The following FANCB variants were observed in gnomAD, a reference collection of about 807,000 sequenced individuals.
The protein encoded by FANCB is FA complementation group B.
Under a neutral mutation model 38.9 loss-of-function variants are expected in FANCB, and 5 were observed. The observed-to-expected ratio is 0.13, with a 90% confidence interval of 0.07 to 0.27. The LOEUF (loss-of-function observed/expected upper bound fraction) is 0.27, where lower values mean the gene tolerates loss of function less well. Ranked by LOEUF, FANCB falls within the 10% of genes least tolerant of loss-of-function variation. The pLI is 1.00. For synonymous variants in FANCB, 236 were observed against 215.4 expected (o/e 1.10, Z -0.84); for missense variants, 573 against 602.7 (o/e 0.95, Z 0.52).
In FANCB at chrX:14,843,624, T is replaced by G. The variant is rs1439262159; in HGVS notation, c.2523A>C (p.Lys841Asn). 8.3e-7 allele frequency: 1 copy of G among 1,208,392 alleles called. No individual in the cohort carries two copies. The highest frequency in any genetic ancestry group is 2.2e-5 in the Admixed American group (1 of 45,700). The change falls in exon 10 of 10, where the codon AAA becomes AAC. Residue 841 changes from lysine (K) to asparagine (N), a missense_variant. By Grantham distance (94) the Lys-to-Asn change is moderately conservative. Transcript: ENST00000650831. ...CTGATTTCAACTGAACCTCAGCTAC[T>G]TTCAAAGTTATTTCTCTGTAAAGGG... is the stretch of plus-strand genomic sequence containing the variant. The part of the protein sequence containing the change: ...SGALYREITL[K>N]VAEVQLKSDF...
the FANCB span, among the ~76,000 whole-genome samples, chrX:14,721,278 TTAATAA>T: frequency 5.4e-5 from 6 of 110,728 alleles, no homozygotes; most frequent in African/African-American, 2.0e-4. Context: ...GTGACTATAG[TTAATAA>T]TAATGTACAT....
At chrX:14,825,300 C>T in the FANCB span, among the ~76,000 whole-genome samples, 1 of 111,633 alleles carries the variant, frequency 9.0e-6, no homozygotes, top group African/African-American at 3.3e-5. Context: ...ATGCTTTAGC[C>T]TTATTCTCTT....
At chrX:14,702,586 TATC>T in the FANCB span, among the ~76,000 whole-genome samples, 1 of 111,768 alleles carries the variant, frequency 8.9e-6, no homozygotes, top group African/African-American at 3.3e-5. Context: ...ACAGGTGTCT[TATC>T]ATTGCTGTAA....
the FANCB span, among the ~76,000 whole-genome samples, chrX:14,781,110 A>G: frequency 9.1e-6 from 1 of 110,491 alleles, no homozygotes; most frequent in Non-Finnish European, 1.9e-5. Context: ...GCTCTATCCC[A>G]CTAGAGACTC....
At chrX:14,855,577 C>T (rs915391447) in intron 5 of FANCB, among the ~76,000 whole-genome samples, 1 of 112,020 alleles carries the variant, frequency 8.9e-6, no homozygotes, top group South Asian at 3.6e-4. Context: ...TCTCTTTCAT[C>T]TCTTTAACTC....
chrX:14,810,597 G>A, the FANCB span, among the ~76,000 whole-genome samples: 13 of 111,392 alleles, frequency 1.2e-4, no homozygotes, highest in Admixed American at 6.7e-4. Flanking sequence ...GAAATGAAGC[G>A]AGAAGGGAAG....
the FANCB span, among the ~76,000 whole-genome samples, chrX:14,715,279 G>A: frequency 1.8e-5 from 2 of 112,238 alleles, no homozygotes; most frequent in African/African-American, 3.2e-5. Flanking sequence ...TTAAGCTTAG[G>A]TTTGCCCTAA....
At chrX:14,690,862 A>G in the FANCB span, 10 of 1,206,912 alleles carry the variant, frequency 8.3e-6, no homozygotes, top group East Asian at 3.0e-5. Context: ...AGAATAAGGT[A>G]TGATTGCCCC....
intron 7 of FANCB, among the ~76,000 whole-genome samples, chrX:14,847,393 G>C (rs1233025324): frequency 9.0e-6 from 1 of 111,120 alleles, no homozygotes; most frequent in Non-Finnish European, 1.9e-5. Context: ...TAGCTGACTA[G>C]AAAGAACTGA....
chrX:14,728,676 C>T, the FANCB span, among the ~76,000 whole-genome samples: 7 of 112,106 alleles, frequency 6.2e-5, no homozygotes, highest in East Asian at 1.1e-3. Flanking sequence ...TGGGCAATGT[C>T]GATAAATCAA....
chrX:14,705,942 G>A, the FANCB span, among the ~76,000 whole-genome samples: 1 of 111,971 alleles, frequency 8.9e-6, no homozygotes, highest in African/African-American at 3.2e-5. Context: ...AGCAACAGAA[G>A]TCATACCAGA....
intron 7 of FANCB, among the ~76,000 whole-genome samples, 194 bp from the exon 8 acceptor site, chrX:14,845,480 T>C (rs1335225880): frequency 8.9e-6 from 1 of 112,009 alleles, no homozygotes; most frequent in Admixed American, 9.4e-5. Context: ...GTGATAGCAC[T>C]TCTCAAAAGG....
the FANCB span, among the ~76,000 whole-genome samples, chrX:14,699,387 T>C: frequency 8.9e-6 from 1 of 112,391 alleles, no homozygotes; most frequent in Non-Finnish European, 1.9e-5. Flanking sequence ...CTTGAGAACA[T>C]GGTTATGGCA....
Position 14,861,972 on chromosome X carries a change from G to A in FANCB, c.951+2588C>T, listed in dbSNP as rs777617847. ...CCATTCTCATGCCTCAGCCTCCTGA[G>A]TAGCTGGGACTACAGGCATGCGCCA... On this transcript the variant is annotated intron_variant, in intron 3 of 9. Transcript: ENST00000650831. Among the ~76,000 whole-genome samples the A allele has an allele frequency of 2.7e-5, 3 of 111,847 alleles. No homozygotes were observed. In the East Asian group the frequency reaches 8.5e-4, roughly 32 times the overall value.
rs2092372656 is a variant in FANCB at position 14,845,517 on chromosome X, G to A, written c.1497-231C>T. ...AAGCAAAAACACTGTAACTATGCTA[G>A]GTTTTAGGAAAGTAAAATTTTTAAG... On this transcript the variant is annotated intron_variant, in intron 7 of 9. Transcript: ENST00000650831. Among the ~76,000 whole-genome samples, 4 of 111,631 alleles carry A rather than the reference G, an allele frequency of 3.6e-5. No individual in the cohort carries two copies. The Admixed American group carries it at 3.8e-4, about 11-fold the overall frequency.
At chrX:14,812,623 T>A in the FANCB span, among the ~76,000 whole-genome samples, 1 of 108,962 alleles carries the variant, frequency 9.2e-6, no homozygotes, top group Non-Finnish European at 1.9e-5. Flanking sequence ...AGGAAGAAGT[T>A]GAGTCTCTGA....
At chrX:14,785,220 T>C in the FANCB span, among the ~76,000 whole-genome samples, 1 of 111,862 alleles carries the variant, frequency 8.9e-6, no homozygotes, top group South Asian at 3.8e-4. Context: ...ACCTAGATAA[T>C]CCAGGAAAAC....
the FANCB span, among the ~76,000 whole-genome samples, chrX:14,695,942 T>C: frequency 9.0e-6 from 1 of 110,577 alleles, no homozygotes; most frequent in East Asian, 2.8e-4. Context: ...ATGAGAACTG[T>C]GGTTATGACT....
intron 2 of FANCB, among the ~76,000 whole-genome samples, chrX:14,866,201 CA>C (rs746755938): frequency 3.6e-5 from 4 of 111,808 alleles, no homozygotes; most frequent in Non-Finnish European, 7.5e-5. Context: ...TCTTAGTTTA[CA>C]AAGGCAATGC....
Sources: gnomAD v4.1 joint callset for allele counts (sites outside exome capture counted in the v4.1 genomes callset) on GRCh38, gnomAD v4.1.1 for gene constraint, MANE v1.5 for transcripts, NCBI Gene and HGNC (gene_info 2026-07-23, HGNC 2026-07-21) for gene names.